COL26A1: variants seen among roughly 807,000 people sequenced by gnomAD.
COL26A1 encodes collagen alpha-1(XXVI) chain.
A neutral mutation model predicts 59.3 loss-of-function variants in COL26A1; 41 were observed. The ratio of observed to expected loss-of-function variants is 0.69; its 90% CI spans 0.54 to 0.90. The LOEUF (loss-of-function observed/expected upper bound fraction) is 0.90. Among genes scored for constraint, COL26A1 ranks in the 40% least tolerant of loss-of-function variants. The pLI is 0.00. For missense variants in COL26A1, 612 were observed against 602.3 expected, an observed-to-expected ratio of 1.02 and a Z score of -0.17; for synonymous variants, 266 against 256.0, an observed-to-expected ratio of 1.04 and a Z score of -0.37.
intron 2 of COL26A1, among the ~76,000 whole-genome samples, chr7:101,429,589 C>CTTTTTTTTTTTTTTTTTTTTTTTTTTTTT (rs58432413): frequency 8.9e-5 from 7 of 78,700 alleles, no homozygotes; most frequent in Admixed American, 1.8e-4. Context: ...TTCTTTTTTA[C>CTTTTTTTTTTTTTTTTTTTTTTTTTTTTT]TTTTTTTTTT....
At chr7:101,394,982 C>T (rs760542911) in intron 1 of COL26A1, among the ~76,000 whole-genome samples, 3 of 145,620 alleles carry the variant, frequency 2.1e-5, no homozygotes, top group Non-Finnish European at 3.0e-5. Context: ...AAGTGATTCT[C>T]GTGCCCCAGC....
intron 3 of COL26A1, among the ~76,000 whole-genome samples, chr7:101,462,732 G>A (rs907467753): frequency 2.6e-5 from 4 of 152,104 alleles, no homozygotes; most frequent in African/African-American, 4.8e-5. Flanking sequence ...CCGGTGACAC[G>A]TGGGAGCTCA....
intron 10 of COL26A1, among the ~76,000 whole-genome samples, chr7:101,551,949 C>T (rs565007869): frequency 6.6e-6 from 1 of 152,284 alleles, no homozygotes; most frequent in African/African-American, 2.4e-5. Flanking sequence ...CCCCAAGAGA[C>T]CATGCTTTAT....
At chr7:101,433,022 A>G (rs926461922) in intron 2 of COL26A1, among the ~76,000 whole-genome samples, 24 of 152,018 alleles carry the variant, frequency 1.6e-4, no homozygotes, top group African/African-American at 5.1e-4. Context: ...TTCTTTTATT[A>G]TGGTTAAGAA....
intron 3 of COL26A1, among the ~76,000 whole-genome samples, chr7:101,456,541 C>A (rs35555965): frequency 0.44 from 66,472 of 151,544 alleles, 15,342 homozygotes; most frequent in Middle Eastern, 0.54. Flanking sequence ...GCACATGCCT[C>A]TAATCCCAGC....
intron 1 of COL26A1, among the ~76,000 whole-genome samples, chr7:101,376,508 G>A (rs1467056698): frequency 6.6e-6 from 1 of 152,148 alleles, no homozygotes; most frequent in East Asian, 1.9e-4. Context: ...TGAGCAAAAT[G>A]TCCTGATAGG....
chr7:101,402,562 T>C (rs1435494953), intron 1 of COL26A1, among the ~76,000 whole-genome samples: 1 of 151,916 alleles, frequency 6.6e-6, no homozygotes, highest in Admixed American at 6.6e-5. Context: ...TCTTTTTCTT[T>C]CTTTCTTTCT....
intron 1 of COL26A1, among the ~76,000 whole-genome samples, chr7:101,392,636 G>A (rs1791760762): frequency 1.3e-5 from 2 of 151,766 alleles, no homozygotes; most frequent in South Asian, 4.2e-4. Context: ...TCCTGACCTC[G>A]AGTGATCCAC....
chr7:101,444,427 T>G (rs1793136423), intron 2 of COL26A1, among the ~76,000 whole-genome samples: 1 of 151,536 alleles, frequency 6.6e-6, no homozygotes, highest in Admixed American at 6.6e-5. Flanking sequence ...CTTTTTTTTT[T>G]TTTTTGAGAC....
rs147726737 is a variant in COL26A1 at position 101,541,769 on chromosome 7, A to C, written c.604+1720A>C. ...TGCTTTAATCACAATTGTAATAATCATAGTTGCAATCGATGAAGCCCTCCT... is the reference window on the plus strand; with the variant it reads ...TGCTTTAATCACAATTGTAATAATCCTAGTTGCAATCGATGAAGCCCTCCT... On this transcript the variant is annotated intron_variant, in intron 5 of 12. Transcript: ENST00000313669. 2.4e-3 allele frequency among the ~76,000 whole-genome samples: 362 copies of C among 152,240 alleles called. 1 individual carries two copies. Among genetic ancestry groups the C allele is most frequent in the African/African-American group, 8.0e-3 (332 of 41,552 alleles).
intron 3 of COL26A1, among the ~76,000 whole-genome samples, chr7:101,473,086 T>G (rs562154210): frequency 6.6e-6 from 1 of 152,130 alleles, no homozygotes; most frequent in East Asian, 1.9e-4. Flanking sequence ...CTTTTTTTTT[T>G]TCTTTTTTTT....
intron 3 of COL26A1, among the ~76,000 whole-genome samples, chr7:101,470,896 CTGT>C (rs1793883645): frequency 4.6e-5 from 7 of 152,080 alleles, no homozygotes; most frequent in Admixed American, 4.6e-4. Flanking sequence ...CACCCTGAAG[CTGT>C]CTAGGGGCCC....
At chr7:101,457,954 T>C (rs1793517879) in intron 3 of COL26A1, among the ~76,000 whole-genome samples, 1 of 148,454 alleles carries the variant, frequency 6.7e-6, no homozygotes, top group Admixed American at 7.0e-5. Context: ...AGGAGAGCAA[T>C]GGCACGATCT....
chr7:101,473,821 C>T (rs73409616), intron 3 of COL26A1, among the ~76,000 whole-genome samples: 14,584 of 151,256 alleles, frequency 0.096, 1,433 homozygotes, highest in African/African-American at 0.25. Flanking sequence ...TCCACCAAAC[C>T]GCAGCTGTGT....
chr7:101,489,693 C>CTGTCTTTCTTTCTT (rs1554421168), intron 3 of COL26A1, among the ~76,000 whole-genome samples: 772 of 11,792 alleles, frequency 0.065, 215 homozygotes, highest in African/African-American at 0.19. Flanking sequence ...TTCTTTCTTT[C>CTGTCTTTCTTTCTT]TTTCTGTCTT....
At chr7:101,521,803 C>T (rs986738359) in intron 3 of COL26A1, among the ~76,000 whole-genome samples, 14 of 152,100 alleles carry the variant, frequency 9.2e-5, no homozygotes, top group Non-Finnish European at 1.6e-4. Flanking sequence ...CCACGGGTAA[C>T]CACTCACCTG....
chr7:101,497,229 A>T (rs1298226260), intron 3 of COL26A1, among the ~76,000 whole-genome samples: 1 of 152,028 alleles, frequency 6.6e-6, no homozygotes, highest in African/African-American at 2.4e-5. Context: ...CAAGAGCAAA[A>T]CTCCATCTCA....
chr7:101,408,814 C>T (rs1219490780), intron 1 of COL26A1, among the ~76,000 whole-genome samples: 1 of 152,110 alleles, frequency 6.6e-6, no homozygotes, highest in Admixed American at 6.6e-5. Flanking sequence ...GATCCCAACT[C>T]TCTCCTAAGA....
chr7:101,519,420 T>C (rs35068867), intron 3 of COL26A1, among the ~76,000 whole-genome samples: 37,988 of 151,964 alleles, frequency 0.25, 4,845 homozygotes, highest in African/African-American at 0.29. Flanking sequence ...AAGCGATCAT[T>C]CCACCTCAGC....
Sources: allele counts gnomAD v4.1 joint callset (sites outside exome capture counted in the v4.1 genomes callset), GRCh38; gene constraint gnomAD v4.1.1; transcripts MANE v1.5; gene names NCBI Gene and HGNC (gene_info 2026-07-23, HGNC 2026-07-21).